The following ARHGEF28 variants were observed in gnomAD, a reference collection of about 807,000 sequenced individuals.
ARHGEF28 encodes the protein Rho guanine nucleotide exchange factor 28, also known as 190 kDa guanine nucleotide exchange factor.
Under a neutral mutation model 206.6 loss-of-function variants are expected in ARHGEF28, and 152 were observed. The observed-to-expected ratio is 0.74, with a 90% CI of 0.64 to 0.84. The LOEUF (loss-of-function observed/expected upper bound fraction) is 0.84, where lower values mean the gene tolerates loss of function less well. Among genes scored for constraint, ARHGEF28 ranks in the 40% least tolerant of loss-of-function variants. The pLI, the probability that ARHGEF28 is intolerant of heterozygous loss-of-function variation, is 0.00. For missense variants in ARHGEF28, 2,028 were observed against 2,073.2 expected, an observed-to-expected ratio of 0.98 and a Z score of 0.42; for synonymous variants, 763 against 776.4, an observed-to-expected ratio of 0.98 and a Z score of 0.29.
intron 23 of ARHGEF28, among the ~76,000 whole-genome samples, chr5:73,883,327 T>A (rs779529997): frequency 2.0e-5 from 3 of 152,202 alleles, no homozygotes; most frequent in Non-Finnish European, 4.4e-5. Context: ...AATACTTTGA[T>A]ATTTTTAGAA....
chr5:73,651,445 T>C (rs753636302), intron 1 of ARHGEF28, among the ~76,000 whole-genome samples: 3 of 152,246 alleles, frequency 2.0e-5, no homozygotes, highest in Non-Finnish European at 2.9e-5. Context: ...CATGTTGTTT[T>C]ACTTAGATTG....
intron 11 of ARHGEF28, among the ~76,000 whole-genome samples, chr5:73,845,458 C>T (rs2112585628): frequency 1.3e-5 from 2 of 152,216 alleles, no homozygotes; most frequent in Middle Eastern, 3.4e-3. Flanking sequence ...CTTGGTGTGC[C>T]TCTGCCCTCC....
At chr5:73,701,490 TTAG>T (rs1468662754) in intron 2 of ARHGEF28, among the ~76,000 whole-genome samples, 1 of 152,156 alleles carries the variant, frequency 6.6e-6, no homozygotes, top group African/African-American at 2.4e-5. Flanking sequence ...CATGTGGTCT[TTAG>T]TTAAAAATGG....
In ARHGEF28 at chr5:73,885,882, G is replaced by A; in HGVS notation, c.3088G>A (p.Ala1030Thr). ...RTEEHKDLRK[A>T]LCLIKDMIAT... ...TGAGGAACATAAAGACTTACGCAAA[G>A]CGCTTTGCTTAATTAAAGACATGAT... Residue 1030 changes from alanine (A) to threonine (T), a missense_variant, in exon 25 of 36, where the codon GCG becomes ACG. Physicochemically the swap from Ala to Thr is moderately conservative, Grantham distance 58 (BLOSUM62 0). Transcript: ENST00000513042. 1 of 1,613,324 alleles carries A rather than the reference G, an allele frequency of 6.2e-7. No homozygotes were observed. The highest frequency in any genetic ancestry group is 8.5e-7 in the Non-Finnish European group (1 of 1,179,756).
At chr5:73,651,662 C>T (rs1262481859) in intron 1 of ARHGEF28, among the ~76,000 whole-genome samples, 2 of 151,914 alleles carry the variant, frequency 1.3e-5, no homozygotes, top group East Asian at 3.8e-4. Context: ...TCACTTTTTA[C>T]ATTACTAATT....
chr5:73,838,041 G>A (rs1392970059), intron 10 of ARHGEF28, among the ~76,000 whole-genome samples: 3 of 152,024 alleles, frequency 2.0e-5, no homozygotes, highest in Non-Finnish European at 4.4e-5. Flanking sequence ...ACCCGGCCAA[G>A]ATATAATTTT....
chr5:73,850,301 C>G (rs1323663080), intron 13 of ARHGEF28, among the ~76,000 whole-genome samples: 1 of 151,992 alleles, frequency 6.6e-6, no homozygotes, highest in Admixed American at 6.6e-5. Flanking sequence ...GAGAGCAAGA[C>G]TGATAATACA....
chr5:73,940,742 A>G, intron 35 of ARHGEF28, 102 bp from the exon 36 acceptor site: 1 of 1,087,748 alleles, frequency 9.2e-7, no homozygotes. Context: ...GGCTGACTAT[A>G]TGGGCACTGC....
intron 1 of ARHGEF28, among the ~76,000 whole-genome samples, chr5:73,647,451 T>G (rs1448993247): frequency 6.6e-6 from 1 of 152,218 alleles, no homozygotes. Context: ...CACACCTAAC[T>G]TCAGGGAATG....
At chr5:73,804,750 C>A (rs1215416153) in intron 9 of ARHGEF28, among the ~76,000 whole-genome samples, 1 of 151,834 alleles carries the variant, frequency 6.6e-6, no homozygotes, top group Non-Finnish European at 1.5e-5. Flanking sequence ...GGGAAGAAGA[C>A]CCAAAGGTAA....
In ARHGEF28 at chr5:73,641,123, C is replaced by T. The variant is rs971602781; in HGVS notation, c.-12+14801C>T. Among the ~76,000 whole-genome samples, 6 of 152,180 alleles carry T rather than the reference C, an allele frequency of 3.9e-5. No homozygotes were observed. The East Asian group carries it at 1.2e-3, about 29-fold the overall frequency. On this transcript the variant is annotated intron_variant, in intron 1 of 35. Coordinates refer to ENST00000513042, the MANE Select transcript of ARHGEF28 (RefSeq NM_001177693.2). ...ACAAAGACACTGTTCTTACATTCTT[C>T]CATTGTTTAGCTAGAGGATAAGACC...
At chr5:73,754,268 A>G (rs1429831260) in intron 4 of ARHGEF28, among the ~76,000 whole-genome samples, 2 of 152,316 alleles carry the variant, frequency 1.3e-5, no homozygotes, top group South Asian at 2.1e-4. Flanking sequence ...ACAATCCAAA[A>G]GGATCTCTGT....
chr5:73,687,675 C>G (rs1197072281), intron 2 of ARHGEF28, among the ~76,000 whole-genome samples: 1 of 151,846 alleles, frequency 6.6e-6, no homozygotes, highest in Non-Finnish European at 1.5e-5. Context: ...ATATTCACTT[C>G]TAGTTTCTCT....
chr5:73,682,976 A>G (rs1747205528), intron 1 of ARHGEF28, among the ~76,000 whole-genome samples: 1 of 151,912 alleles, frequency 6.6e-6, no homozygotes, highest in African/African-American at 2.4e-5. Context: ...CTGCTCCTCC[A>G]TTTCTCCTAA....
intron 1 of ARHGEF28, among the ~76,000 whole-genome samples, chr5:73,629,720 G>A (rs1743242605): frequency 6.6e-6 from 1 of 152,048 alleles, no homozygotes; most frequent in African/African-American, 2.4e-5. Flanking sequence ...ATTTTTTAAT[G>A]AGAGAAAGTA....
At chr5:73,929,974 C>G (rs1764015070) in intron 35 of ARHGEF28, among the ~76,000 whole-genome samples, 2 of 112,886 alleles carry the variant, frequency 1.8e-5, no homozygotes, top group Non-Finnish European at 1.7e-5. Flanking sequence ...TCATTTTAAA[C>G]TGCTATATTT....
chr5:73,780,857 G>A lies in ARHGEF28; in HGVS notation c.910+112G>A, dbSNP rs1352194908. On this transcript the variant is annotated intron_variant, in intron 7 of 35. Transcript: ENST00000513042. ...CGGCCAGGAATCAAGGGGCTCAGAG[G>A]CAAGATCAGGGGTGTGGGATACAGC... The A allele has an allele frequency of 5.2e-6, 6 of 1,146,988 alleles. No homozygotes were observed. In the African/African-American group the frequency reaches 9.3e-5, roughly 18 times the overall value. 71.1% of individuals were successfully genotyped at this position (1,146,988 alleles called of 1,614,324 possible). A position where few individuals can be genotyped will look rare whatever the true frequency, so the allele number is the denominator to read the frequency against.
rs557764023 is a variant in ARHGEF28, at chr5:73,852,969, C to T, written c.1790+277C>T. On this transcript the variant is annotated intron_variant, in intron 14 of 35. Coordinates refer to ENST00000513042, the MANE Select transcript of ARHGEF28 (RefSeq NM_001177693.2). ...CTCAAGGGGAGCAGTGTGAGGGGACCACCTGTTTTAGAAAGACAACATGTT... is the reference window on the plus strand; with the variant it reads ...CTCAAGGGGAGCAGTGTGAGGGGACTACCTGTTTTAGAAAGACAACATGTT... Among the ~76,000 whole-genome samples, 478 of 152,266 alleles carry T rather than the reference C, an allele frequency of 3.1e-3. 3 individuals carry two copies. Among genetic ancestry groups the T allele is most frequent in the Non-Finnish European group, 4.9e-3 (336 of 68,014 alleles).
intron 2 of ARHGEF28, among the ~76,000 whole-genome samples, chr5:73,712,705 A>T (rs1749324335): frequency 6.6e-6 from 1 of 152,216 alleles, no homozygotes; most frequent in African/African-American, 2.4e-5. Flanking sequence ...AATTATCAGC[A>T]TGCTTCTATT....
Sources: allele counts gnomAD v4.1 joint callset (sites outside exome capture counted in the v4.1 genomes callset), GRCh38; gene constraint gnomAD v4.1.1; transcripts MANE v1.5; gene names NCBI Gene and HGNC (gene_info 2026-07-23, HGNC 2026-07-21).